Variants in FAR2 observed in about 807,000 individuals in gnomAD.
The protein encoded by FAR2 is fatty acyl-CoA reductase 2.
A neutral mutation model predicts 56.0 loss-of-function variants in FAR2; 19 were observed. That is an observed-to-expected ratio of 0.34 (90% CI 0.24 to 0.50). The LOEUF (loss-of-function observed/expected upper bound fraction) is 0.50, where lower values mean the gene tolerates loss of function less well. Ranked by LOEUF, FAR2 falls within the 20% of genes least tolerant of loss-of-function variation. The pLI is 0.98. For synonymous variants in FAR2, 219 were observed against 218.8 expected (o/e 1.00, Z -0.01); for missense variants, 508 against 642.2 (o/e 0.79, Z 2.26).
At chr12:29,214,974 A>T (rs1229847617) in intron 1 of FAR2, among the ~76,000 whole-genome samples, 1 of 152,198 alleles carries the variant, frequency 6.6e-6, no homozygotes, top group Non-Finnish European at 1.5e-5. Flanking sequence ...TTGTGAGCTG[A>T]GACCTGAATG....
chr12:29,204,013 A>AG (rs1242963930), intron 1 of FAR2, among the ~76,000 whole-genome samples: 3 of 149,662 alleles, frequency 2.0e-5, no homozygotes, highest in Admixed American at 6.7e-5. Context: ...AAAAAAAAAA[A>AG]AAAAAAAAAA....
At chr12:29,198,266 T>C (rs10771495) in intron 1 of FAR2, among the ~76,000 whole-genome samples, 148,912 of 152,184 alleles carry the variant, frequency 0.98, 72,946 homozygotes, top group Middle Eastern at 1. Flanking sequence ...CTCACTTTGT[T>C]GCCGGGCTGG....
intron 1 of FAR2, among the ~76,000 whole-genome samples, chr12:29,198,426 A>G (rs1172022007): frequency 6.6e-6 from 1 of 152,044 alleles, no homozygotes; most frequent in Non-Finnish European, 1.5e-5. Flanking sequence ...ACAGGGTTTC[A>G]CCACGTTGGC....
At chr12:29,258,309 C>T (rs1328518880) in intron 1 of FAR2, among the ~76,000 whole-genome samples, 2 of 151,942 alleles carry the variant, frequency 1.3e-5, no homozygotes, top group South Asian at 4.2e-4. Context: ...GAGCCGAGAT[C>T]GCACCACTGC....
At position 29,182,714 on chromosome 12, in the gene FAR2, T is replaced by C. The variant is rs562752367; in HGVS notation, c.-39+33307T>C. Among the ~76,000 whole-genome samples the C allele has an allele frequency of 7.9e-5, 12 of 152,292 alleles. No homozygotes were observed. In the East Asian group the frequency reaches 2.3e-3, roughly 29 times the overall value. ...TACTAGTTTAAGAGATTGGTTTAGTTGGGCCAAGAGTGGATGGATAAATGA... is the reference window on the plus strand; with the variant it reads ...TACTAGTTTAAGAGATTGGTTTAGTCGGGCCAAGAGTGGATGGATAAATGA... On this transcript the variant is annotated intron_variant, in intron 1 of 11. Transcript: ENST00000536681.
At chr12:29,154,944 T>C (rs1949714585) in intron 1 of FAR2, among the ~76,000 whole-genome samples, 1 of 152,230 alleles carries the variant, frequency 6.6e-6, no homozygotes, top group Admixed American at 6.5e-5. Flanking sequence ...TACAGTTCTC[T>C]ATTAACCATA....
intron 2 of FAR2, among the ~76,000 whole-genome samples, chr12:29,275,945 G>A (rs1482310463): frequency 6.6e-6 from 1 of 152,202 alleles, no homozygotes; most frequent in African/African-American, 2.4e-5. Context: ...TTTATGAACA[G>A]TGGTTCTCAA....
intron 2 of FAR2, among the ~76,000 whole-genome samples, chr12:29,275,163 A>C (rs1948689263): frequency 6.6e-6 from 1 of 151,438 alleles, no homozygotes; most frequent in Admixed American, 6.6e-5. Flanking sequence ...CCGAAAAGAG[A>C]GTCAGCGAAG....
At chr12:29,277,344 CAAGA>C (rs759801728) in intron 2 of FAR2, 2 of 152,188 alleles carry the variant, frequency 1.3e-5, no homozygotes, top group African/African-American at 4.8e-5. Flanking sequence ...CCAGAAATAA[CAAGA>C]AAGTACACAC....
chr12:29,287,620 C>CAA (rs35049999), intron 2 of FAR2, among the ~76,000 whole-genome samples: 7 of 151,632 alleles, frequency 4.6e-5, no homozygotes, highest in South Asian at 2.1e-4. Flanking sequence ...ATTTATTTTC[C>CAA]AAAAAAAATT....
intron 6 of FAR2, chr12:29,309,665 A>C (rs554316284): frequency 2.0e-5 from 3 of 153,074 alleles, no homozygotes; most frequent in Admixed American, 2.0e-4. Flanking sequence ...AGAGATATAC[A>C]TCAATAATTT....
At chr12:29,231,654 T>G (rs1172573161) in intron 1 of FAR2, among the ~76,000 whole-genome samples, 1 of 152,204 alleles carries the variant, frequency 6.6e-6, no homozygotes, top group Non-Finnish European at 1.5e-5. Context: ...CTGAGAAGAC[T>G]GGAGAGAATG....
intron 1 of FAR2, among the ~76,000 whole-genome samples, chr12:29,225,137 G>C (rs1484950113): frequency 6.6e-6 from 1 of 152,154 alleles, no homozygotes; most frequent in Non-Finnish European, 1.5e-5. Flanking sequence ...TTGGGAGACT[G>C]AGGTGAGAGG....
chr12:29,324,846 G>C (rs903455431), intron 10 of FAR2, among the ~76,000 whole-genome samples: 1 of 152,128 alleles, frequency 6.6e-6, no homozygotes, highest in Non-Finnish European at 1.5e-5. Flanking sequence ...ATCAACTAAC[G>C]AGCAAAATAA....
chr12:29,302,213 CAG>C (rs1016110205), intron 4 of FAR2: 3 of 118,810 alleles, frequency 2.5e-5, no homozygotes, highest in African/African-American at 9.9e-5. Flanking sequence ...GCCTGGGCGA[CAG>C]AGCGAGACTC....
chr12:29,300,638 TGTTG>T (rs990406331), intron 4 of FAR2, among the ~76,000 whole-genome samples: 17 of 151,962 alleles, frequency 1.1e-4, no homozygotes, highest in African/African-American at 4.1e-4. Flanking sequence ...AAGTTGTTGT[TGTTG>T]TTGTTGTTGT....
chr12:29,166,659 T>C (rs1949832746), intron 1 of FAR2, among the ~76,000 whole-genome samples: 1 of 152,208 alleles, frequency 6.6e-6, no homozygotes, highest in Non-Finnish European at 1.5e-5. Context: ...CCTCACACTT[T>C]CATCAGTTTT....
intron 1 of FAR2, among the ~76,000 whole-genome samples, chr12:29,238,524 C>T (rs1417979962): frequency 6.6e-6 from 1 of 151,874 alleles, no homozygotes; most frequent in East Asian, 1.9e-4. Context: ...GCTGGAACTA[C>T]ATAAAAGCTC....
chr12:29,242,390 C>T (rs1948051804), intron 1 of FAR2, among the ~76,000 whole-genome samples: 2 of 152,182 alleles, frequency 1.3e-5, no homozygotes, highest in Non-Finnish European at 2.9e-5. Flanking sequence ...TGTTGAAATG[C>T]TTTCAAGTTA....
Sources: gnomAD v4.1 joint callset for allele counts (sites outside exome capture counted in the v4.1 genomes callset) on GRCh38, gnomAD v4.1.1 for gene constraint, MANE v1.5 for transcripts, NCBI Gene and HGNC (gene_info 2026-07-23, HGNC 2026-07-21) for gene names.